The following GFRAL variants were observed in gnomAD, a reference collection of about 807,000 sequenced individuals.
GFRAL encodes the protein GDNF family receptor alpha-like.
GFRAL carries 36 observed loss-of-function variants against 45.4 expected under a neutral mutation model. That is an observed-to-expected ratio of 0.79 (90% CI 0.61 to 1.05). GFRAL has a LOEUF of 1.05. Among genes scored for constraint, GFRAL ranks in the 50% least tolerant of loss-of-function variants. GFRAL has a pLI of 0.00. For missense variants in GFRAL, 507 were observed against 467.5 expected (o/e 1.08, Z -0.78); for synonymous variants, 166 against 154.1 (o/e 1.08, Z -0.57).
chr6:55,345,668 G>A (rs1768031163), intron 3 of GFRAL, among the ~76,000 whole-genome samples: 1 of 152,034 alleles, frequency 6.6e-6, no homozygotes, highest in Admixed American at 6.6e-5. Flanking sequence ...CAAAAACAAT[G>A]GCAACAAAAG....
At chr6:55,332,360 G>T (rs1274783637) in intron 2 of GFRAL, among the ~76,000 whole-genome samples, 5 of 151,846 alleles carry the variant, frequency 3.3e-5, no homozygotes, top group African/African-American at 1.2e-4. Flanking sequence ...AAACATTTGT[G>T]GGGAGGTTCA....
chr6:55,388,432 G>C (rs1163615825), intron 6 of GFRAL, among the ~76,000 whole-genome samples: 2 of 152,186 alleles, frequency 1.3e-5, no homozygotes, highest in Non-Finnish European at 2.9e-5. Flanking sequence ...TTGATGTTTT[G>C]AGTTTCCAGG....
intron 6 of GFRAL, among the ~76,000 whole-genome samples, chr6:55,376,623 T>C (rs1398507381): frequency 6.6e-6 from 1 of 152,120 alleles, no homozygotes; most frequent in East Asian, 1.9e-4. Context: ...TTTTCTAGTT[T>C]ATGTGCATAG....
chr6:55,359,738 A>G (rs1581911471), intron 6 of GFRAL, among the ~76,000 whole-genome samples: 1 of 151,988 alleles, frequency 6.6e-6, no homozygotes. Flanking sequence ...GAAGCAGAAG[A>G]GTTCCTAATG....
At chr6:55,399,037 T>A in intron 6 of GFRAL, 143 bp from the exon 7 acceptor site, 2 of 503,440 alleles carry the variant, frequency 4.0e-6, no homozygotes, top group South Asian at 7.4e-5. Flanking sequence ...AAGAAAATTG[T>A]TCCTAGTTTT....
intron 3 of GFRAL, among the ~76,000 whole-genome samples, chr6:55,341,782 T>A (rs188726743): frequency 2.0e-5 from 3 of 152,274 alleles, no homozygotes; most frequent in East Asian, 1.9e-4. Context: ...TGAAAAAAGA[T>A]TAGACAATTG....
chr6:55,351,725 T>C, intron 5 of GFRAL, 142 bp downstream of exon 5: 1 of 590,984 alleles, frequency 1.7e-6, no homozygotes, highest in Non-Finnish European at 2.8e-6. Context: ...CAATTAATAT[T>C]TTTTTGAATC....
intron 5 of GFRAL, among the ~76,000 whole-genome samples, chr6:55,353,738 G>T (rs1010799407): frequency 6.6e-6 from 1 of 151,856 alleles, no homozygotes; most frequent in African/African-American, 2.4e-5. Flanking sequence ...AAATTTTTAA[G>T]GTCAATAACA....
chr6:55,377,030 G>C (rs1466662025), intron 6 of GFRAL, among the ~76,000 whole-genome samples: 1 of 151,822 alleles, frequency 6.6e-6, no homozygotes, highest in Non-Finnish European at 1.5e-5. Flanking sequence ...TGTCTCTTTT[G>C]TAAAACCCTG....
At chr6:55,370,694 T>C (rs1435496961) in intron 6 of GFRAL, among the ~76,000 whole-genome samples, 1 of 152,184 alleles carries the variant, frequency 6.6e-6, no homozygotes, top group Non-Finnish European at 1.5e-5. Flanking sequence ...AATCACATTA[T>C]ATAATGGCAG....
chr6:55,362,661 A>G (rs1768292236), intron 6 of GFRAL, among the ~76,000 whole-genome samples: 1 of 152,028 alleles, frequency 6.6e-6, no homozygotes, highest in Non-Finnish European at 1.5e-5. Context: ...AGGATCCATT[A>G]TTGTTTTCAG....
intron 6 of GFRAL, among the ~76,000 whole-genome samples, chr6:55,360,067 G>A (rs1768253195): frequency 6.6e-6 from 1 of 151,994 alleles, no homozygotes; most frequent in Non-Finnish European, 1.5e-5. Flanking sequence ...TTAGGGACAA[G>A]AAAATTGATA....
At chr6:55,350,254 T>G (rs1298823558) in intron 4 of GFRAL, 109 bp downstream of exon 4, 3 of 666,982 alleles carry the variant, frequency 4.5e-6, no homozygotes, top group Non-Finnish European at 8.0e-6. Context: ...ATCATGTGGT[T>G]TAACAGTTCT....
chr6:55,332,083 ATT>A (rs774202234), intron 2 of GFRAL, among the ~76,000 whole-genome samples: 5 of 152,076 alleles, frequency 3.3e-5, no homozygotes, highest in Non-Finnish European at 5.9e-5. Context: ...ATTTCAGATT[ATT>A]TTCTTACCTC....
intron 8 of GFRAL, among the ~76,000 whole-genome samples, chr6:55,400,492 G>A (rs2127368133): frequency 6.6e-6 from 1 of 152,300 alleles, no homozygotes; most frequent in East Asian, 1.9e-4. Flanking sequence ...ACTGGCATGA[G>A]AAGGTGTACG....
At chr6:55,357,512 G>T (rs1174700114) in intron 5 of GFRAL, among the ~76,000 whole-genome samples, 1 of 151,492 alleles carries the variant, frequency 6.6e-6, no homozygotes, top group Non-Finnish European at 1.5e-5. Flanking sequence ...CATTGGCATA[G>T]AATATCTTTT....
chr6:55,397,450 G>A (rs1768841705), intron 6 of GFRAL, among the ~76,000 whole-genome samples: 1 of 135,738 alleles, frequency 7.4e-6, no homozygotes, highest in Admixed American at 7.6e-5. Flanking sequence ...CCCGGGAAGC[G>A]GAGCTTGCAG....
At chr6:55,386,399 G>T (rs891183678) in intron 6 of GFRAL, among the ~76,000 whole-genome samples, 1 of 152,126 alleles carries the variant, frequency 6.6e-6, no homozygotes, top group Admixed American at 6.6e-5. Flanking sequence ...AATCCAGTAT[G>T]TTGGTCATTA....
intron 6 of GFRAL, among the ~76,000 whole-genome samples, chr6:55,367,316 A>G (rs2127359635): frequency 7.1e-6 from 1 of 140,318 alleles, no homozygotes; most frequent in South Asian, 2.3e-4. Context: ...CCATCCTTTT[A>G]TTTTGAGCCT....
Sources: gnomAD v4.1 joint callset for allele counts (sites outside exome capture counted in the v4.1 genomes callset) on GRCh38, gnomAD v4.1.1 for gene constraint, MANE v1.5 for transcripts, NCBI Gene and HGNC (gene_info 2026-07-23, HGNC 2026-07-21) for gene names.